RXFP1: variants seen among roughly 807,000 people sequenced by gnomAD.
The protein encoded by RXFP1 is relaxin family peptide receptor 1.
In RXFP1, 73 loss-of-function variants were observed where a neutral mutation model predicts 89.8. That is an observed-to-expected ratio of 0.81 (90% CI 0.67 to 0.99). RXFP1 has a LOEUF of 0.99. Among genes scored for constraint, RXFP1 ranks in the 50% least tolerant of loss-of-function variants. The pLI, the probability that RXFP1 is intolerant of heterozygous loss-of-function variation, is 0.00. For synonymous variants in RXFP1, 277 were observed against 305.5 expected (o/e 0.91, Z 0.97); for missense variants, 793 against 895.5 (o/e 0.89, Z 1.46).
chr4:158,556,181 T>C (rs1751246766), intron 1 of RXFP1, among the ~76,000 whole-genome samples: 2 of 151,336 alleles, frequency 1.3e-5, no homozygotes, highest in African/African-American at 4.9e-5. Context: ...AACTGTACAT[T>C]TGACAAGGAG....
At chr4:158,614,456 G>T (rs1008040407) in intron 8 of RXFP1, among the ~76,000 whole-genome samples, 1 of 152,154 alleles carries the variant, frequency 6.6e-6, no homozygotes, top group Non-Finnish European at 1.5e-5. Context: ...ATAACTTGCC[G>T]CAGCTTCTCT....
chr4:158,650,034 G>A (rs533702960), intron 17 of RXFP1, among the ~76,000 whole-genome samples: 32 of 152,346 alleles, frequency 2.1e-4, no homozygotes, highest in African/African-American at 6.0e-4. Flanking sequence ...TGGTACATAC[G>A]CACAATGGAT....
intron 1 of RXFP1, among the ~76,000 whole-genome samples, chr4:158,569,207 A>C (rs1346675680): frequency 1.3e-5 from 2 of 152,256 alleles, no homozygotes; most frequent in Non-Finnish European, 2.9e-5. Flanking sequence ...GTGAGAAGCC[A>C]GTTTGAAAAG....
chr4:158,532,953 TCCAC>T (rs1744412301), intron 1 of RXFP1, among the ~76,000 whole-genome samples: 1 of 152,206 alleles, frequency 6.6e-6, no homozygotes, highest in South Asian at 2.1e-4. Context: ...CTTAGCAGTT[TCCAC>T]CTTCTCCCTT....
rs1157486664 is a variant in RXFP1, at chr4:158,653,301, A to G, written c.*1246A>G. ...ACAAAAATACTGGAATCAAACCATA[A>G]TGCACTTATTGAATATATAGTTGTA... On this transcript the variant is annotated 3_prime_UTR_variant, in exon 18 of 18. Transcript: ENST00000307765. The G allele has an allele frequency of 6.6e-6, 1 of 152,232 alleles. No individual in the cohort carries two copies. Among genetic ancestry groups the G allele is most frequent in the East Asian group, 1.9e-4 (1 of 5,202 alleles). 9.4% of individuals were successfully genotyped at this position (152,232 alleles called of 1,614,324 possible).
intron 2 of RXFP1, among the ~76,000 whole-genome samples, chr4:158,582,951 A>G (rs1356096780): frequency 1.3e-5 from 2 of 152,244 alleles, no homozygotes; most frequent in African/African-American, 4.8e-5. Flanking sequence ...AAGCATTTAA[A>G]AATCAAATAC....
At position 158,599,321 on chromosome 4, in the gene RXFP1, T is replaced by C. The variant is rs1238975200; in HGVS notation, c.287-5T>C. 1 of 1,613,826 alleles carries C rather than the reference T, an allele frequency of 6.2e-7. No individual in the cohort carries two copies. The highest frequency in any genetic ancestry group is 8.5e-7 in the Non-Finnish European group (1 of 1,179,832). ...ATCATGCCTTACCACTTCCCCTTGA[T>C]TCAGTGGTCGGTTCTGTGCCAGTGC... is the stretch of plus-strand genomic sequence containing the variant. On this transcript the variant is annotated splice_region_variant and splice_polypyrimidine_tract_variant and intron_variant, in intron 3 of 17. Coordinates refer to ENST00000307765, the MANE Select transcript of RXFP1 (RefSeq NM_021634.4).
At chr4:158,549,976 G>GATCC (rs1467388569) in intron 1 of RXFP1, among the ~76,000 whole-genome samples, 1 of 152,218 alleles carries the variant, frequency 6.6e-6, no homozygotes, top group African/African-American at 2.4e-5. Context: ...TCTCTTCAAA[G>GATCC]CTGTCAGACA....
At position 158,586,966 on chromosome 4, in the gene RXFP1, G is replaced by A. The variant is rs555194003; in HGVS notation, c.188-6435G>A. On this transcript the variant is annotated intron_variant, in intron 2 of 17. Coordinates refer to ENST00000307765, the MANE Select transcript of RXFP1 (RefSeq NM_021634.4). The stretch of plus-strand genomic sequence containing the variant: ...TCAGTTAAATACAGGATCTGCTAAA[G>A]AAGCCGAGTGAAAGAAAATCAGCAT... 2.0e-5 allele frequency among the ~76,000 whole-genome samples: 3 copies of A among 152,056 alleles called. No homozygotes were observed. In the East Asian group the frequency reaches 5.8e-4, roughly 29 times the overall value.
intron 2 of RXFP1, among the ~76,000 whole-genome samples, chr4:158,581,945 T>C (rs1415976338): frequency 6.6e-6 from 1 of 152,096 alleles, no homozygotes; most frequent in Non-Finnish European, 1.5e-5. Flanking sequence ...TGTGCAAAGA[T>C]TACATAGCGA....
intron 1 of RXFP1, among the ~76,000 whole-genome samples, chr4:158,556,603 T>A (rs1751364652): frequency 6.6e-6 from 1 of 152,196 alleles, no homozygotes; most frequent in South Asian, 2.1e-4. Flanking sequence ...TGAAGAGATA[T>A]CTGCACTCTT....
intron 13 of RXFP1, 73 bp from the exon 14 acceptor site, chr4:158,639,187 T>C (rs2150232963): frequency 3.5e-6 from 3 of 856,486 alleles, no homozygotes; most frequent in East Asian, 2.5e-5. Context: ...AAATTGTCCT[T>C]CACAGAAACT....
intron 1 of RXFP1, among the ~76,000 whole-genome samples, chr4:158,544,577 C>A (rs1455523979): frequency 6.6e-6 from 1 of 151,836 alleles, no homozygotes; most frequent in African/African-American, 2.4e-5. Flanking sequence ...TAGGTATATA[C>A]CCTAATGCTA....
intron 1 of RXFP1, among the ~76,000 whole-genome samples, chr4:158,548,138 A>G (rs1296995463): frequency 2.6e-5 from 4 of 152,204 alleles, no homozygotes; most frequent in Non-Finnish European, 5.9e-5. Flanking sequence ...GTGCTCCTGT[A>G]TTGGGTGCAC....
rs868094783 is a variant in RXFP1 at position 158,623,721 on chromosome 4, G to A, written c.756-3099G>A. 1.3e-4 allele frequency among the ~76,000 whole-genome samples: 20 copies of A among 152,066 alleles called. 1 individual carries two copies. The highest frequency in any genetic ancestry group is 4.8e-4 in the African/African-American group (20 of 41,400). ...CCACACTTCTCTGCATTCACATATA[G>A]GATATGTCTTAAGTTCTGACTAGGG... On this transcript the variant is annotated intron_variant, in intron 9 of 17. Coordinates refer to ENST00000307765, the MANE Select transcript of RXFP1 (RefSeq NM_021634.4).
At chr4:158,580,568 G>A (rs1757147756) in intron 2 of RXFP1, among the ~76,000 whole-genome samples, 1 of 152,078 alleles carries the variant, frequency 6.6e-6, no homozygotes. Flanking sequence ...ACTGCCCTCT[G>A]CCTATGAATG....
At chr4:158,622,629 T>C (rs1428229501) in intron 9 of RXFP1, among the ~76,000 whole-genome samples, 2 of 152,222 alleles carry the variant, frequency 1.3e-5, no homozygotes, top group Non-Finnish European at 2.9e-5. Context: ...AGAAAAATAC[T>C]GCGTAATCTC....
chr4:158,579,892 C>T (rs1054170503), intron 2 of RXFP1, among the ~76,000 whole-genome samples: 3 of 152,146 alleles, frequency 2.0e-5, no homozygotes, highest in Non-Finnish European at 2.9e-5. Flanking sequence ...GTGTTTTGTA[C>T]TCTTTTATGT....
At chr4:158,620,063 A>G (rs538081732) in intron 9 of RXFP1, among the ~76,000 whole-genome samples, 3 of 152,358 alleles carry the variant, frequency 2.0e-5, no homozygotes, top group African/African-American at 7.2e-5. Context: ...AAACAGAGAC[A>G]TTAAAATGCT....
Sources: allele counts gnomAD v4.1 joint callset (sites outside exome capture counted in the v4.1 genomes callset), GRCh38; gene constraint gnomAD v4.1.1; transcripts MANE v1.5; gene names NCBI Gene and HGNC (gene_info 2026-07-23, HGNC 2026-07-21).